TRIO: variants seen among roughly 807,000 people sequenced by gnomAD.
The protein encoded by TRIO is triple functional domain protein.
A neutral mutation model predicts 351.9 loss-of-function variants in TRIO; 58 were observed. That is an observed-to-expected ratio of 0.16 (90% CI 0.13 to 0.21). TRIO has a LOEUF of 0.21. Ranked by LOEUF, TRIO falls within the 10% of genes least tolerant of loss-of-function variation. The pLI is 1.00. For synonymous variants in TRIO, 1,758 were observed against 1,595.7 expected (o/e 1.10, Z -2.42); for missense variants, 3,201 against 4,027.8 (o/e 0.79, Z 5.56).
chr5:14,307,344 A>T (rs1738464564), intron 8 of TRIO, among the ~76,000 whole-genome samples: 1 of 152,178 alleles, frequency 6.6e-6, no homozygotes, highest in African/African-American at 2.4e-5. Flanking sequence ...ACTGTCCAGC[A>T]ATGTGCGCTA....
At chr5:14,343,902 C>T (rs1742169757) in intron 11 of TRIO, among the ~76,000 whole-genome samples, 1 of 152,212 alleles carries the variant, frequency 6.6e-6, no homozygotes, top group African/African-American at 2.4e-5. Flanking sequence ...TGTGAGTGAT[C>T]TTCAGCTCTT....
At chr5:14,468,671 C>A (rs1356627072) in intron 37 of TRIO, among the ~76,000 whole-genome samples, 1 of 152,220 alleles carries the variant, frequency 6.6e-6, no homozygotes, top group Non-Finnish European at 1.5e-5. Flanking sequence ...ACTGACTCTG[C>A]AGTAGATCCT....
intron 2 of TRIO, among the ~76,000 whole-genome samples, chr5:14,272,325 G>A (rs556722387): frequency 3.8e-4 from 58 of 152,270 alleles, no homozygotes; most frequent in African/African-American, 1.4e-3. Flanking sequence ...AACCCCTCTT[G>A]TGTTTCTGAA....
chr5:14,472,132 T>TA (rs1754736809), intron 38 of TRIO, among the ~76,000 whole-genome samples: 2 of 152,358 alleles, frequency 1.3e-5, no homozygotes. Context: ...TGAGTGGCCT[T>TA]AAACGGTTAC....
chr5:14,231,514 A>C (rs931460555), intron 1 of TRIO, among the ~76,000 whole-genome samples: 2 of 152,210 alleles, frequency 1.3e-5, no homozygotes, highest in African/African-American at 4.8e-5. Context: ...AATCAAGTTG[A>C]AAACCTGTTG....
At chr5:14,210,890 A>C (rs1013932024) in intron 1 of TRIO, among the ~76,000 whole-genome samples, 21 of 150,818 alleles carry the variant, frequency 1.4e-4, no homozygotes, top group African/African-American at 5.1e-4. Flanking sequence ...CCTACCCTCC[A>C]CTCCCTTCCT....
chr5:14,409,538 TC>T (rs1749002221), intron 33 of TRIO, among the ~76,000 whole-genome samples: 1 of 152,052 alleles, frequency 6.6e-6, no homozygotes, highest in Non-Finnish European at 1.5e-5. Flanking sequence ...AGCTCAGAAA[TC>T]CCTGAAGGGT....
chr5:14,496,683 T>C (rs1325143277), intron 49 of TRIO, among the ~76,000 whole-genome samples, 196 bp from the exon 50 acceptor site: 3 of 152,318 alleles, frequency 2.0e-5, no homozygotes, highest in African/African-American at 7.2e-5. Context: ...CCTCAAACTT[T>C]AAGAGATTGT....
At chr5:14,304,303 T>C (rs1234159031) in intron 7 of TRIO, among the ~76,000 whole-genome samples, 158 bp from the exon 8 acceptor site, 1 of 152,204 alleles carries the variant, frequency 6.6e-6, no homozygotes, top group Non-Finnish European at 1.5e-5. Flanking sequence ...TCCAGGAGTC[T>C]CATGTGAGTT....
intron 9 of TRIO, 53 bp downstream of exon 9, chr5:14,316,796 G>GT (rs1203242104): frequency 1.4e-5 from 21 of 1,513,782 alleles, no homozygotes; most frequent in Non-Finnish European, 1.8e-5. Flanking sequence ...GTTGAGTAGA[G>GT]TTTAAATACA....
rs1371737008 is a variant in TRIO at position 14,487,798 on chromosome 5, C to T, written c.7170C>T (p.Pro2390=). 7.1e-7 allele frequency: 1 copy of T among 1,404,886 alleles called. No homozygotes were observed. Among genetic ancestry groups the T allele is most frequent in the Non-Finnish European group, 9.3e-7 (1 of 1,078,876 alleles). 87.0% of individuals were successfully genotyped at this position (1,404,886 alleles called of 1,614,324 possible). The part of the protein sequence containing the change: ...GAAPEAGPSA[P]SRRPPGADAE... ...CCCCCGAGGCCGGCCCCAGCGCGCC[C>T]AGCAGGCGGCCCCCCGGCGCGGACG... is the stretch of plus-strand genomic sequence containing the variant. Residue 2390 remains proline, a synonymous_variant, in exon 48 of 57, where the codon CCC becomes CCT. Coordinates refer to ENST00000344204, the MANE Select transcript of TRIO (RefSeq NM_007118.4).
At chr5:14,227,044 C>T (rs1389145837) in intron 1 of TRIO, among the ~76,000 whole-genome samples, 2 of 152,180 alleles carry the variant, frequency 1.3e-5, no homozygotes, top group Non-Finnish European at 2.9e-5. Context: ...ACTGCTGGGA[C>T]ATGGAGAGTT....
At chr5:14,185,025 G>A (rs1790021191) in intron 1 of TRIO, among the ~76,000 whole-genome samples, 1 of 152,034 alleles carries the variant, frequency 6.6e-6, no homozygotes, top group African/African-American at 2.4e-5. Flanking sequence ...CATGACTCAT[G>A]GACAGTTTTA....
At chr5:14,470,490 TA>T (rs1335818328) in intron 37 of TRIO, among the ~76,000 whole-genome samples, 2 of 152,298 alleles carry the variant, frequency 1.3e-5, no homozygotes, top group South Asian at 4.1e-4. Context: ...TGAATCCAGG[TA>T]AAACAACGAG....
intron 1 of TRIO, chr5:14,183,949 C>T (rs1347136004): frequency 2.9e-6 from 2 of 697,850 alleles, no homozygotes; most frequent in Non-Finnish European, 5.2e-6. Context: ...CCCAAGAGGA[C>T]ATGGCAGAAG....
Position 14,329,661 on chromosome 5 carries a change from A to G in TRIO, c.1732-1117A>G, listed in dbSNP as rs190073914. On this transcript the variant is annotated intron_variant, in intron 9 of 56. Coordinates refer to ENST00000344204, the MANE Select transcript of TRIO (RefSeq NM_007118.4). ...CATGCAAAGTATGAGTGAACCTTCA[A>G]TACTATAGCTGTGCATTAACAAATA... Among the ~76,000 whole-genome samples, 44 of 152,372 alleles carry G rather than the reference A, an allele frequency of 2.9e-4. 1 individual carries two copies. The highest frequency in any genetic ancestry group is 7.8e-4 in the Admixed American group (12 of 15,302).
At chr5:14,421,486 C>T (rs2152390944) in intron 34 of TRIO, among the ~76,000 whole-genome samples, 1 of 151,522 alleles carries the variant, frequency 6.6e-6, no homozygotes, top group Non-Finnish European at 1.5e-5. Context: ...CGCCTGTAAT[C>T]CCAGCTACTC....
At chr5:14,406,071 T>C in intron 32 of TRIO, 81 bp downstream of exon 32, 19 of 1,536,864 alleles carry the variant, frequency 1.2e-5, no homozygotes, top group Non-Finnish European at 1.5e-5. Context: ...GCTTCAAAAA[T>C]CCTTTCTCTC....
chr5:14,151,474 T>C (rs1787831477), intron 1 of TRIO, among the ~76,000 whole-genome samples: 1 of 152,042 alleles, frequency 6.6e-6, no homozygotes, highest in African/African-American at 2.4e-5. Flanking sequence ...TTCTGTGGAA[T>C]AGGTGGTTTC....
Sources: allele counts gnomAD v4.1 joint callset (sites outside exome capture counted in the v4.1 genomes callset), GRCh38; gene constraint gnomAD v4.1.1; transcripts MANE v1.5; gene names NCBI Gene and HGNC (gene_info 2026-07-23, HGNC 2026-07-21).